The following ESRRG variants were observed in gnomAD, a reference collection of about 807,000 sequenced individuals.
The protein encoded by ESRRG is estrogen-related receptor gamma.
In ESRRG, 13 loss-of-function variants were observed where a neutral mutation model predicts 44.0. The ratio of observed to expected loss-of-function variants is 0.30; its 90% confidence interval spans 0.19 to 0.47. The LOEUF (loss-of-function observed/expected upper bound fraction) is 0.47, where lower values mean the gene tolerates loss of function less well. Among genes scored for constraint, ESRRG ranks in the 20% least tolerant of loss-of-function variants. The pLI, the probability that ESRRG is intolerant of heterozygous loss-of-function variation, is 1.00. For missense variants in ESRRG, 395 were observed against 580.6 expected (o/e 0.68, Z 3.29); for synonymous variants, 215 against 214.6 (o/e 1.00, Z -0.02).
At chr1:216,588,362 AAAC>A (rs992015749) in intron 3 of ESRRG, among the ~76,000 whole-genome samples, 3 of 152,156 alleles carry the variant, frequency 2.0e-5, no homozygotes, top group African/African-American at 7.2e-5. Context: ...CTACTACAAC[AAAC>A]AACAACAACA....
intron 1 of ESRRG, among the ~76,000 whole-genome samples, chr1:217,035,307 G>A (rs1008436796): frequency 1.6e-5 from 2 of 122,900 alleles, no homozygotes; most frequent in Non-Finnish European, 3.2e-5. Flanking sequence ...GCAGCCTAGC[G>A]AGACTCTGTC....
intron 3 of ESRRG, among the ~76,000 whole-genome samples, chr1:216,595,130 T>C (rs1055214095): frequency 4.6e-5 from 7 of 152,186 alleles, no homozygotes; most frequent in Admixed American, 3.9e-4. Context: ...TAGACAAATG[T>C]TTGAAAATGA....
chr1:217,130,929 T>A (rs925348768), intron 1 of ESRRG, among the ~76,000 whole-genome samples: 1 of 152,138 alleles, frequency 6.6e-6, no homozygotes, highest in South Asian at 2.1e-4. Flanking sequence ...CAATAAAATA[T>A]AGCTTAAATA....
rs1270471053 is a variant in ESRRG at position 217,018,087 on chromosome 1, T to A, written c.-106+71420A>T. ...ATTATGGATAAATAGATTTTTCATT[T>A]GAACTAATAAACCAACATACAAGCC... is the stretch of plus-strand genomic sequence containing the variant. On this transcript the variant is annotated intron_variant, in intron 1 of 7. Coordinates refer to the ESRRG transcript ENST00000359162. Among the ~76,000 whole-genome samples the A allele has an allele frequency of 2.6e-5, 4 of 152,332 alleles. No individual in the cohort carries two copies. The East Asian group carries it at 7.7e-4, about 29-fold the overall frequency.
chr1:216,793,893 T>G (rs1250665435), intron 2 of ESRRG, among the ~76,000 whole-genome samples: 1 of 152,058 alleles, frequency 6.6e-6, no homozygotes, highest in African/African-American at 2.4e-5. Context: ...ATCCTCTCCT[T>G]CCTGTTTTTA....
upstream of ESRRG, among the ~76,000 whole-genome samples, chr1:217,094,352 A>C (rs2092393753): frequency 6.6e-6 from 1 of 152,216 alleles, no homozygotes. Context: ...TGATGTCTTC[A>C]ACTCACGTGT....
intron 2 of ESRRG, among the ~76,000 whole-genome samples, chr1:216,787,679 T>C (rs186275467): frequency 6.6e-6 from 1 of 151,678 alleles, no homozygotes; most frequent in African/African-American, 2.4e-5. Context: ...TGTCTTTCAC[T>C]TGAAATCAAA....
chr1:216,928,660 A>G (rs2062907139), intron 2 of ESRRG, among the ~76,000 whole-genome samples: 1 of 152,220 alleles, frequency 6.6e-6, no homozygotes, highest in African/African-American at 2.4e-5. Flanking sequence ...ATGGAGGATT[A>G]TGTATTTTAG....
At position 216,941,855 on chromosome 1, in the gene ESRRG, C is replaced by A. The variant is rs537596092; in HGVS notation, c.-105-2182G>T. ...CCAGGAAATGCACTACTATTTATCT[C>A]ATTTTTTCCCTTGTCTGCAAATATT... On this transcript the variant is annotated intron_variant, in intron 1 of 7. Coordinates refer to the ESRRG transcript ENST00000359162. Among the ~76,000 whole-genome samples, 77 of 152,264 alleles carry A rather than the reference C, an allele frequency of 5.1e-4. 1 individual carries two copies. The highest frequency in any genetic ancestry group is 4.8e-3 in the South Asian group (23 of 4,818).
intron 2 of ESRRG, among the ~76,000 whole-genome samples, chr1:216,918,556 C>CTCTTCCTGTCTCTAGAGACT (rs1380221698): frequency 6.6e-6 from 1 of 152,096 alleles, no homozygotes; most frequent in Admixed American, 6.6e-5. Flanking sequence ...TCATCAAATC[C>CTCTTCCTGTCTCTAGAGACT]TCTTCCTGTC....
chr1:216,927,021 T>G (rs61818589), intron 2 of ESRRG, among the ~76,000 whole-genome samples: 8,662 of 152,272 alleles, frequency 0.057, 291 homozygotes, highest in Middle Eastern at 0.11. Context: ...AGAGAAATTC[T>G]CAAATAAACT....
At chr1:216,765,433 T>C (rs533476979) in intron 2 of ESRRG, among the ~76,000 whole-genome samples, 3 of 152,248 alleles carry the variant, frequency 2.0e-5, no homozygotes, top group African/African-American at 7.2e-5. Context: ...GTCTTATAGA[T>C]GAGAAACCTG....
At chr1:216,916,960 G>C (rs2061270063) in intron 2 of ESRRG, among the ~76,000 whole-genome samples, 1 of 141,634 alleles carries the variant, frequency 7.1e-6, no homozygotes, top group African/African-American at 2.7e-5. Flanking sequence ...CCATAATCTG[G>C]GCGGGGCTCA....
intron 1 of ESRRG, among the ~76,000 whole-genome samples, chr1:217,131,401 G>A (rs1276555179): frequency 6.6e-6 from 1 of 152,034 alleles, no homozygotes; most frequent in African/African-American, 2.4e-5. Flanking sequence ...TTGATCTCAA[G>A]CATGTATCTA....
intron 1 of ESRRG, among the ~76,000 whole-genome samples, chr1:216,966,016 A>G (rs1188683800): frequency 1.3e-5 from 2 of 152,188 alleles, no homozygotes; most frequent in African/African-American, 4.8e-5. Context: ...CTCCAAAATG[A>G]TACTGACACT....
intron 3 of ESRRG, among the ~76,000 whole-genome samples, chr1:216,636,299 A>C (rs1001413230): frequency 1.3e-5 from 2 of 152,248 alleles, no homozygotes; most frequent in African/African-American, 2.4e-5. Flanking sequence ...GAAATTTTGC[A>C]ATGGGAGAAG....
At chr1:216,651,520 T>C (rs1028723810) in intron 2 of ESRRG, among the ~76,000 whole-genome samples, 7 of 152,190 alleles carry the variant, frequency 4.6e-5, no homozygotes, top group African/African-American at 1.7e-4. Context: ...TTTCTGACAC[T>C]GAACAGTATA....
chr1:216,689,199 T>C (rs1161510404), intron 1 of ESRRG, among the ~76,000 whole-genome samples: 1 of 152,168 alleles, frequency 6.6e-6, no homozygotes, highest in East Asian at 1.9e-4. Flanking sequence ...TGTGGAAATT[T>C]GTTATCTCTA....
intron 3 of ESRRG, among the ~76,000 whole-genome samples, chr1:216,637,674 T>C (rs2065568164): frequency 1.3e-5 from 2 of 152,230 alleles, no homozygotes; most frequent in Admixed American, 1.3e-4. Flanking sequence ...AAGTTATTTA[T>C]CAAGTTATTT....
Sources: allele counts gnomAD v4.1 joint callset (sites outside exome capture counted in the v4.1 genomes callset), GRCh38; gene constraint gnomAD v4.1.1; transcripts MANE v1.5; gene names NCBI Gene and HGNC (gene_info 2026-07-23, HGNC 2026-07-21).